Variants in TANC2 observed in about 807,000 individuals in gnomAD.
TANC2 encodes the protein tetratricopeptide repeat, ankyrin repeat and coiled-coil containing 2, also known as protein TANC2.
In TANC2, 26 loss-of-function variants were observed where a neutral mutation model predicts 210.5. The observed-to-expected ratio is 0.12, with a 90% CI of 0.09 to 0.17. The LOEUF is 0.17. Among genes scored for constraint, TANC2 ranks in the 10% least tolerant of loss-of-function variants. TANC2 has a pLI of 1.00. For synonymous variants in TANC2, 931 were observed against 967.1 expected, an observed-to-expected ratio of 0.96 and a Z score of 0.69; for missense variants, 2,129 against 2,608.9, an observed-to-expected ratio of 0.82 and a Z score of 4.01.
chr17:63,412,934 A>G lies in TANC2; in HGVS notation c.3928+225A>G, dbSNP rs1042064915. Among the ~76,000 whole-genome samples, 2 of 152,202 alleles carry G rather than the reference A, an allele frequency of 1.3e-5. No homozygotes were observed. Among genetic ancestry groups the G allele is most frequent in the African/African-American group, 2.4e-5 (1 of 41,446 alleles). ...AAATAATTCAGGCATTTGTAAACTAATCAATTTAACCTTTTCTTTCTTTTT... is the reference window on the plus strand; with the variant it reads ...AAATAATTCAGGCATTTGTAAACTAGTCAATTTAACCTTTTCTTTCTTTTT... On this transcript the variant is annotated intron_variant, in intron 24 of 27. Transcript: ENST00000689528. The surrounding 1 kb of genome is among the most constrained non-coding windows in gnomAD (Gnocchi z 4.2).
intron 7 of TANC2, among the ~76,000 whole-genome samples, chr17:63,221,727 C>G (rs2042197836): frequency 6.6e-6 from 1 of 152,144 alleles, no homozygotes; most frequent in Non-Finnish European, 1.5e-5. Flanking sequence ...ATACCTAGTA[C>G]AATGTCTAAA....
At chr17:63,110,789 G>A (rs1255112906) in intron 4 of TANC2, among the ~76,000 whole-genome samples, 5 of 152,154 alleles carry the variant, frequency 3.3e-5, no homozygotes, top group African/African-American at 9.7e-5. Flanking sequence ...TGGAGGACAC[G>A]TTCAAACCAT....
chr17:63,390,265 G>A (rs1296524693), intron 17 of TANC2: 3 of 152,342 alleles, frequency 2.0e-5, no homozygotes, highest in African/African-American at 7.2e-5. Context: ...GACTTTAGTG[G>A]TTTCATAGTG....
intron 8 of TANC2, among the ~76,000 whole-genome samples, chr17:63,255,661 G>A (rs1345692255): frequency 3.3e-5 from 5 of 151,696 alleles, no homozygotes; most frequent in Non-Finnish European, 7.4e-5. Flanking sequence ...TTGTAATGTC[G>A]TTTTCATCTC....
chr17:63,401,937 G>A (rs2048357267), intron 19 of TANC2, among the ~76,000 whole-genome samples: 1 of 151,922 alleles, frequency 6.6e-6, no homozygotes, highest in South Asian at 2.1e-4. Flanking sequence ...CCTCCTAATT[G>A]AGCTTCTGCC....
chr17:63,134,126 T>G (rs1288032412), intron 4 of TANC2, among the ~76,000 whole-genome samples: 3 of 152,172 alleles, frequency 2.0e-5, no homozygotes, highest in Non-Finnish European at 4.4e-5. Flanking sequence ...GCAGTTATCC[T>G]TCTTGTGGGG....
chr17:62,974,437 A>T (rs2031885762), intron 1 of TANC2, among the ~76,000 whole-genome samples: 1 of 151,270 alleles, frequency 6.6e-6, no homozygotes. Context: ...TTGATTTTGT[A>T]TATTAGTTTG....
At chr17:63,043,827 A>G (rs2035280802) in intron 2 of TANC2, among the ~76,000 whole-genome samples, 2 of 152,144 alleles carry the variant, frequency 1.3e-5, no homozygotes, top group South Asian at 4.1e-4. Flanking sequence ...ACAGTTCTGA[A>G]AGCAATTTAA....
intron 8 of TANC2, among the ~76,000 whole-genome samples, chr17:63,260,604 G>A: frequency 6.6e-6 from 1 of 151,946 alleles, no homozygotes; most frequent in Non-Finnish European, 1.5e-5. Flanking sequence ...GGGCAACACA[G>A]CGAAACCCTG....
chr17:63,058,915 A>G (rs1245502916), intron 2 of TANC2, among the ~76,000 whole-genome samples: 1 of 152,020 alleles, frequency 6.6e-6, no homozygotes, highest in Non-Finnish European at 1.5e-5. Context: ...TGCCTTGGCT[A>G]TTTGGGCTCT....
intron 10 of TANC2, 52 bp from the exon 11 acceptor site, chr17:63,318,903 TCC>T: frequency 6.2e-7 from 1 of 1,601,238 alleles, no homozygotes; most frequent in Admixed American, 1.7e-5. Flanking sequence ...TAGCCATTTT[TCC>T]TTAAAGTTTT....
intron 7 of TANC2, among the ~76,000 whole-genome samples, chr17:63,229,106 A>G (rs770128877): frequency 1.6e-4 from 24 of 152,186 alleles, no homozygotes; most frequent in Non-Finnish European, 3.2e-4. Flanking sequence ...TGTTCCATCA[A>G]TAGCTAGTTT....
chr17:63,111,624 T>C (rs150650984), intron 4 of TANC2, among the ~76,000 whole-genome samples: 1 of 152,372 alleles, frequency 6.6e-6, no homozygotes, highest in East Asian at 1.9e-4. Context: ...TCTTTGTATA[T>C]TTCTTTTTCA....
At chr17:63,319,050 G>T (rs770485904) in exon 11 of TANC2, 4 of 1,613,308 alleles carry the variant, frequency 2.5e-6, no homozygotes, top group East Asian at 2.2e-5. Flanking sequence ...CCGGAAATGC[G>T]CAGGCGGCAG....
intron 7 of TANC2, among the ~76,000 whole-genome samples, chr17:63,235,419 G>A (rs111613569): frequency 2.0e-5 from 3 of 152,010 alleles, no homozygotes; most frequent in Non-Finnish European, 4.4e-5. Context: ...AAAGGGTTCT[G>A]TGATATTTCT....
intron 12 of TANC2, among the ~76,000 whole-genome samples, chr17:63,343,872 G>A (rs1428196664): frequency 6.6e-6 from 1 of 152,054 alleles, no homozygotes; most frequent in African/African-American, 2.4e-5. Flanking sequence ...CTCCAGCTTG[G>A]GTAACAGAAT....
rs1003256383 is a variant in TANC2, at chr17:63,422,150, T to G, written c.*195T>G. The G allele has an allele frequency of 4.9e-6, 3 of 608,414 alleles. No individual in the cohort carries two copies. The African/African-American group carries it at 5.6e-5, about 11-fold the overall frequency. 37.7% of individuals were successfully genotyped at this position (608,414 alleles called of 1,614,324 possible). ...CCTCCCGGGAGCCAGGACTTCAGTTTCTCTTGTCTGTGCCCAGCCACATGC... is the reference window on the plus strand; with the variant it reads ...CCTCCCGGGAGCCAGGACTTCAGTTGCTCTTGTCTGTGCCCAGCCACATGC... On this transcript the variant is annotated 3_prime_UTR_variant, in exon 28 of 28. Coordinates refer to ENST00000689528, the Ensembl canonical transcript of TANC2.
intron 15 of TANC2, among the ~76,000 whole-genome samples, chr17:63,384,558 G>A (rs1397696778): frequency 2.0e-5 from 3 of 151,990 alleles, no homozygotes; most frequent in Non-Finnish European, 2.9e-5. Flanking sequence ...TGTTATATAT[G>A]TAACAATTAT....
At chr17:63,114,479 C>T (rs899964857) in intron 4 of TANC2, among the ~76,000 whole-genome samples, 3 of 152,172 alleles carry the variant, frequency 2.0e-5, no homozygotes, top group African/African-American at 7.2e-5. Flanking sequence ...TTCTCTGTCA[C>T]TCATTACCCT....
Sources: gnomAD v4.1 joint callset for allele counts (sites outside exome capture counted in the v4.1 genomes callset) on GRCh38, gnomAD v4.1.1 for gene constraint, Gnocchi (gnomAD v3.1) non-coding constraint, MANE v1.5 for transcripts, NCBI Gene and HGNC (gene_info 2026-07-23, HGNC 2026-07-21) for gene names.